Variants in KLHL29 observed in about 807,000 individuals in gnomAD.
The protein encoded by KLHL29 is kelch like family member 29.
Under a neutral mutation model 80.4 loss-of-function variants are expected in KLHL29, and 21 were observed. That is an observed-to-expected ratio of 0.26 (90% confidence interval 0.19 to 0.38). The LOEUF (loss-of-function observed/expected upper bound fraction) is 0.38, where lower values mean the gene tolerates loss of function less well. Among genes scored for constraint, KLHL29 ranks in the 10% least tolerant of loss-of-function variants. The pLI, the probability that KLHL29 is intolerant of heterozygous loss-of-function variation, is 1.00. For synonymous variants in KLHL29, 511 were observed against 526.8 expected (o/e 0.97, Z 0.41); for missense variants, 867 against 1,223.9 (o/e 0.71, Z 4.35).
intron 3 of KLHL29, among the ~76,000 whole-genome samples, chr2:23,588,378 G>A (rs913101998): frequency 6.6e-5 from 10 of 152,154 alleles, no homozygotes; most frequent in South Asian, 2.1e-4. Flanking sequence ...TCAGAGCTCC[G>A]AGGGCTGCTC....
At position 23,684,662 on chromosome 2, in the gene KLHL29, TCTCCTC is replaced by T. The variant is rs66787697; in HGVS notation, c.1079+145_1079+150del. On this transcript the variant is annotated intron_variant, in intron 6 of 13. Coordinates refer to ENST00000486442, the MANE Select transcript of KLHL29 (RefSeq NM_052920.2). This position sits in a 1 kb window ranked among gnomAD's most constrained non-coding sequence, Gnocchi z 4.4. ...CCCTGTCACAGAGCCAGTAGCCATC[TCTCCTC>T]CTCCTCCTCCTCCTCCTCCCCAGTA... is the stretch of plus-strand genomic sequence containing the variant. The T allele has an allele frequency of 1.8e-3, 954 of 536,878 alleles. No homozygotes were observed. The highest frequency in any genetic ancestry group is 4.2e-3 in the Middle Eastern group (11 of 2,636). The allele number at this position is 536,878 out of a possible 1,614,324, so 33.3% of individuals were successfully genotyped here. A position where few individuals can be genotyped will look rare whatever the true frequency, so the allele number is the denominator to read the frequency against.
intron 13 of KLHL29, 115 bp from the exon 14 acceptor site, chr2:23,706,366 G>C: frequency 1.3e-6 from 1 of 746,430 alleles, no homozygotes; most frequent in Non-Finnish European, 1.9e-6. Context: ...CAAGATCCCA[G>C]ATGCCTTCTG....
Position 23,700,893 on chromosome 2 carries a change from G to A in KLHL29, c.2106-2293G>A, listed in dbSNP as rs1468650983. ...GGCTGCCCTCTGAGGACGCCTCTCA[G>A]CTCCCCTCTTAAAGACTACATTTCC... On this transcript the variant is annotated intron_variant, in intron 11 of 13. Coordinates refer to ENST00000486442, the MANE Select transcript of KLHL29 (RefSeq NM_052920.2). This position sits in a 1 kb window ranked among gnomAD's most constrained non-coding sequence, Gnocchi z 4.6. Among the ~76,000 whole-genome samples, 1 of 152,052 alleles carries A rather than the reference G, an allele frequency of 6.6e-6. No individual in the cohort carries two copies. The highest frequency in any genetic ancestry group is 1.9e-4 in the East Asian group (1 of 5,184).
rs755425596 is a variant in KLHL29, at chr2:23,696,519, G to A, written c.2105+6G>A. ...AACGTGGACCACGTGGAGAGGTAAT[G>A]AGGCCACGGTCAGGACAGGGGCATG... On this transcript the variant is annotated splice_donor_region_variant and intron_variant, in intron 11 of 13. Transcript: ENST00000486442. The surrounding 1 kb of genome is among the most constrained non-coding windows in gnomAD (Gnocchi z 5.5). The A allele has an allele frequency of 9.2e-6, 14 of 1,516,308 alleles. No homozygotes were observed. The African/African-American group carries it at 1.4e-4, about 15-fold the overall frequency. 93.9% of individuals were successfully genotyped at this position (1,516,308 alleles called of 1,614,324 possible).
chr2:23,640,996 G>A (rs1669754139), intron 4 of KLHL29, among the ~76,000 whole-genome samples: 1 of 152,188 alleles, frequency 6.6e-6, no homozygotes, highest in African/African-American at 2.4e-5. Flanking sequence ...GGCTTGTGGT[G>A]CTGAGTGGCC....
At chr2:23,685,335 G>C (rs1050335945) in intron 6 of KLHL29, 2 of 152,224 alleles carry the variant, frequency 1.3e-5, no homozygotes, top group Admixed American at 6.5e-5. Context: ...CCGTAGTAAG[G>C]GAGAGCAGCC....
chr2:23,499,758 T>C (rs1665381276), intron 2 of KLHL29, among the ~76,000 whole-genome samples: 1 of 152,074 alleles, frequency 6.6e-6, no homozygotes, highest in Non-Finnish European at 1.5e-5. Context: ...TCTCAGGAGA[T>C]GAGGGAGGAG....
rs1666768797 is a variant in KLHL29, at chr2:23,539,431, C to CTTTTTTTTTTTTTTTTTT, written c.-45-22721_-45-22720insTTTTTTTTTTTTTTTTTT. Among the ~76,000 whole-genome samples the CTTTTTTTTTTTTTTTTTT allele has an allele frequency of 1.6e-4, 17 of 107,216 alleles. 8 individuals are homozygous for CTTTTTTTTTTTTTTTTTT. The highest frequency in any genetic ancestry group is 1.4e-4 in the African/African-American group (4 of 28,106). 70.3% of individuals were successfully genotyped at this position (107,216 alleles called of 152,430 possible). On this transcript the variant is annotated intron_variant, in intron 2 of 13. Transcript: ENST00000486442. ...ATGCTTTGCTAGCCTTATCCTGCCT[C>CTTTTTTTTTTTTTTTTTT]CTTTTTTTTTTTTTTTTTTTTTTTT...
intron 3 of KLHL29, among the ~76,000 whole-genome samples, chr2:23,594,958 C>T (rs1052026012): frequency 6.6e-6 from 1 of 152,194 alleles, no homozygotes; most frequent in Non-Finnish European, 1.5e-5. Context: ...CTGCTAGCTA[C>T]AGACCATTTT....
intron 2 of KLHL29, among the ~76,000 whole-genome samples, chr2:23,534,498 C>T (rs1442081798): frequency 2.6e-5 from 4 of 151,774 alleles, no homozygotes; most frequent in South Asian, 2.1e-4. Flanking sequence ...CCCCCACCTC[C>T]GAGAAGCCTT....
At chr2:23,702,075 G>A (rs746721416) in intron 11 of KLHL29, among the ~76,000 whole-genome samples, 21 of 151,532 alleles carry the variant, frequency 1.4e-4, no homozygotes, top group Non-Finnish European at 2.4e-4. Flanking sequence ...CGCCCACCTC[G>A]GCCTCCCAAA....
chr2:23,412,132 G>A (rs891951267), intron 1 of KLHL29, among the ~76,000 whole-genome samples: 2 of 144,740 alleles, frequency 1.4e-5, no homozygotes, highest in Non-Finnish European at 3.0e-5. Flanking sequence ...AGGGGGGGGG[G>A]GGGCGGTGCG....
intron 5 of KLHL29, chr2:23,643,077 G>T: frequency 1.5e-6 from 1 of 686,176 alleles, no homozygotes; most frequent in Non-Finnish European, 2.7e-6. Context: ...AAATGCGCCG[G>T]GGTAAGAAGA....
intron 5 of KLHL29, among the ~76,000 whole-genome samples, chr2:23,671,657 C>T (rs1056173363): frequency 6.6e-6 from 1 of 152,154 alleles, no homozygotes; most frequent in African/African-American, 2.4e-5. Flanking sequence ...CCAGCCAGCC[C>T]CTCCCTACAC....
chr2:23,548,766 C>T (rs868048609), intron 2 of KLHL29, among the ~76,000 whole-genome samples: 3 of 152,198 alleles, frequency 2.0e-5, no homozygotes, highest in Non-Finnish European at 2.9e-5. Context: ...AGCATCATAG[C>T]GTCACCTACC....
At chr2:23,571,231 C>T (rs536019428) in intron 3 of KLHL29, among the ~76,000 whole-genome samples, 6 of 152,328 alleles carry the variant, frequency 3.9e-5, no homozygotes, top group Non-Finnish European at 7.4e-5. Context: ...TTAGAAGTGG[C>T]CCTCAGACTG....
At chr2:23,592,276 A>G (rs913444308) in intron 3 of KLHL29, among the ~76,000 whole-genome samples, 1 of 152,108 alleles carries the variant, frequency 6.6e-6, no homozygotes, top group African/African-American at 2.4e-5. Context: ...CCAGGGCCCC[A>G]TTAGTCCCAG....
intron 2 of KLHL29, among the ~76,000 whole-genome samples, chr2:23,523,570 T>C (rs1372214772): frequency 2.0e-5 from 3 of 152,218 alleles, no homozygotes; most frequent in Non-Finnish European, 4.4e-5. Flanking sequence ...CTGATTTGGA[T>C]TTTTTTCCTC....
intron 2 of KLHL29, among the ~76,000 whole-genome samples, chr2:23,494,710 T>C (rs76765684): frequency 0.042 from 6,354 of 152,264 alleles, 148 homozygotes; most frequent in African/African-American, 0.056. Context: ...ATTCTGGGGC[T>C]GAGGATCATG....
Sources: gnomAD v4.1 joint callset for allele counts (sites outside exome capture counted in the v4.1 genomes callset) on GRCh38, gnomAD v4.1.1 for gene constraint, Gnocchi (gnomAD v3.1) non-coding constraint, MANE v1.5 for transcripts, NCBI Gene and HGNC (gene_info 2026-07-23, HGNC 2026-07-21) for gene names.